ANKRD44: variants seen among roughly 807,000 people sequenced by gnomAD.
ANKRD44 encodes the protein serine/threonine-protein phosphatase 6 regulatory ankyrin repeat subunit B.
In ANKRD44, 35 loss-of-function variants were observed where a neutral mutation model predicts 116.0. The observed-to-expected ratio is 0.30, with a 90% CI of 0.23 to 0.40. The LOEUF is 0.40. ANKRD44 is among the 10% of genes least tolerant of loss of function. ANKRD44 has a pLI of 1.00. For missense variants in ANKRD44, 1,014 were observed against 1,242.6 expected (o/e 0.82, Z 2.77); for synonymous variants, 435 against 461.8 (o/e 0.94, Z 0.74).
chr2:197,294,029 C>G (rs1574463479), intron 1 of ANKRD44, among the ~76,000 whole-genome samples: 1 of 152,232 alleles, frequency 6.6e-6, no homozygotes, highest in Middle Eastern at 3.4e-3. Flanking sequence ...AATAAGAGCT[C>G]TACCTCCACT....
intron 1 of ANKRD44, among the ~76,000 whole-genome samples, chr2:197,293,619 G>T (rs2083632756): frequency 6.6e-6 from 1 of 152,158 alleles, no homozygotes; most frequent in Non-Finnish European, 1.5e-5. Flanking sequence ...AGGAATTTTG[G>T]GGATGAGGGC....
chr2:197,141,383 C>T (rs2079362487), intron 3 of ANKRD44, among the ~76,000 whole-genome samples: 3 of 152,106 alleles, frequency 2.0e-5, no homozygotes, highest in Admixed American at 2.0e-4. Flanking sequence ...ATATTTCTCC[C>T]ATTTTTCTGT....
intron 22 of ANKRD44, among the ~76,000 whole-genome samples, chr2:197,001,457 A>G (rs1380450959): frequency 6.6e-6 from 1 of 152,370 alleles, no homozygotes; most frequent in East Asian, 1.9e-4. Flanking sequence ...AATTTGGCAG[A>G]CAAATGTGAG....
At chr2:197,079,478 A>G (rs547294887) in intron 15 of ANKRD44, among the ~76,000 whole-genome samples, 3 of 152,370 alleles carry the variant, frequency 2.0e-5, no homozygotes, top group South Asian at 2.1e-4. Context: ...AAAAAGCCAC[A>G]GTCTTTGGAA....
At chr2:197,154,299 C>CTTT (rs1481385878) in intron 2 of ANKRD44, among the ~76,000 whole-genome samples, 3 of 151,366 alleles carry the variant, frequency 2.0e-5, no homozygotes, top group Non-Finnish European at 4.4e-5. Context: ...CCTGCCTCAG[C>CTTT]CTCCCAAGTA....
intron 9 of ANKRD44, among the ~76,000 whole-genome samples, chr2:197,101,962 C>T (rs1000522026): frequency 1.3e-5 from 2 of 151,980 alleles, no homozygotes; most frequent in Non-Finnish European, 2.9e-5. Context: ...AAGGCTTACT[C>T]ATTCTTATCC....
At chr2:197,202,054 G>T (rs888160215) in intron 1 of ANKRD44, among the ~76,000 whole-genome samples, 3 of 152,252 alleles carry the variant, frequency 2.0e-5, no homozygotes, top group African/African-American at 7.2e-5. Flanking sequence ...TCCACCCAGG[G>T]ATAGAAGTGG....
chr2:197,123,154 A>G (rs921489777), intron 6 of ANKRD44, among the ~76,000 whole-genome samples: 1 of 152,228 alleles, frequency 6.6e-6, no homozygotes, highest in Non-Finnish European at 1.5e-5. Context: ...AACAATTGCC[A>G]TTCCTCACTG....
Position 197,291,210 on chromosome 2 carries a change from A to G in ANKRD44, c.27+19368T>C, listed in dbSNP as rs982542826. On this transcript the variant is annotated intron_variant, in intron 1 of 27. Coordinates refer to ENST00000282272, the MANE Select transcript of ANKRD44 (RefSeq NM_001195144.2). Reference sequence around the variant, plus strand: ...GGTAACAGAGTGAGACCCTGTCCCTAAAAAATAAATAAGATGTGGCCAGGC... The same window carrying G: ...GGTAACAGAGTGAGACCCTGTCCCTGAAAAATAAATAAGATGTGGCCAGGC... Among the ~76,000 whole-genome samples, 3 of 152,018 alleles carry G rather than the reference A, an allele frequency of 2.0e-5. No individual in the cohort carries two copies. The East Asian group carries it at 5.8e-4, about 29-fold the overall frequency.
intron 1 of ANKRD44, chr2:197,296,230 G>C (rs564193999): frequency 6.6e-6 from 1 of 152,062 alleles, no homozygotes; most frequent in South Asian, 2.1e-4. Flanking sequence ...AAAATAATTT[G>C]TTACCTGCCT....
chr2:196,973,107 G>T (rs2075727136), intron 21 of ANKRD44, among the ~76,000 whole-genome samples: 1 of 152,072 alleles, frequency 6.6e-6, no homozygotes, highest in Admixed American at 6.5e-5. Context: ...TTTTCAGCCA[G>T]CACCATTTAT....
intron 1 of ANKRD44, among the ~76,000 whole-genome samples, chr2:197,289,872 C>T (rs1263762974): frequency 6.6e-6 from 1 of 151,602 alleles, no homozygotes; most frequent in African/African-American, 2.4e-5. Context: ...GTCAATTTTT[C>T]TCTTTTTTTT....
At chr2:197,057,007 A>G (rs2077215929) in intron 16 of ANKRD44, among the ~76,000 whole-genome samples, 1 of 152,186 alleles carries the variant, frequency 6.6e-6, no homozygotes, top group Admixed American at 6.5e-5. Context: ...GTCTTCCTCT[A>G]TTGCACCAGC....
At chr2:197,261,878 G>A (rs2082614954) in intron 1 of ANKRD44, among the ~76,000 whole-genome samples, 2 of 152,192 alleles carry the variant, frequency 1.3e-5, no homozygotes. Context: ...TGCAAGTCTA[G>A]TTCATCCTTA....
At chr2:197,206,773 A>G (rs574952281) in intron 1 of ANKRD44, among the ~76,000 whole-genome samples, 50 of 152,338 alleles carry the variant, frequency 3.3e-4, no homozygotes, top group African/African-American at 6.5e-4. Context: ...ATAACATAGT[A>G]GGGAAAGGAT....
intron 3 of ANKRD44, 59 bp downstream of exon 3, chr2:197,146,968 G>C (rs2079520774): frequency 6.0e-6 from 9 of 1,500,362 alleles, no homozygotes; most frequent in African/African-American, 1.4e-5. Flanking sequence ...AGTCAATCTA[G>C]TAAATTGGTT....
At chr2:196,993,377 G>A (rs16860206) in intron 27 of ANKRD44, among the ~76,000 whole-genome samples, 6,192 of 152,298 alleles carry the variant, frequency 0.041, 394 homozygotes, top group African/African-American at 0.14. Context: ...AAAATGGACA[G>A]CACTGGGTGG....
chr2:197,067,210 C>T (rs1410443424), intron 16 of ANKRD44, among the ~76,000 whole-genome samples: 6 of 151,904 alleles, frequency 3.9e-5, no homozygotes, highest in African/African-American at 1.4e-4. Flanking sequence ...ATAAATGGTG[C>T]TGGGAAAACT....
intron 4 of ANKRD44, chr2:197,135,337 C>T (rs2079191396): frequency 1.3e-5 from 2 of 152,280 alleles, no homozygotes; most frequent in African/African-American, 2.4e-5. Context: ...GGAGGTCAGT[C>T]ATCCAGCACC....
Sources: gnomAD v4.1 joint callset for allele counts (sites outside exome capture counted in the v4.1 genomes callset) on GRCh38, gnomAD v4.1.1 for gene constraint, MANE v1.5 for transcripts, NCBI Gene and HGNC (gene_info 2026-07-23, HGNC 2026-07-21) for gene names.